The following UBXN11 variants were observed in gnomAD, a reference collection of about 807,000 sequenced individuals.
The protein encoded by UBXN11 is UBX domain-containing protein 11.
Under a neutral mutation model 62.8 loss-of-function variants are expected in UBXN11, and 47 were observed. That is an observed-to-expected ratio of 0.75 (90% CI 0.59 to 0.95). The LOEUF is 0.95. Among genes scored for constraint, UBXN11 ranks in the 40% least tolerant of loss-of-function variants. The pLI is 0.00. For missense variants in UBXN11, 638 were observed against 661.7 expected (o/e 0.96, Z 0.39); for synonymous variants, 294 against 267.0 (o/e 1.10, Z -0.99).
At chr1:26,292,534 T>G (rs571633833) in intron 8 of UBXN11, among the ~76,000 whole-genome samples, 6 of 149,438 alleles carry the variant, frequency 4.0e-5, no homozygotes, top group African/African-American at 1.5e-4. Context: ...AAAAGAAAAA[T>G]AAAGAAAAGA....
chr1:26,289,503 G>A (rs552219091), intron 8 of UBXN11, among the ~76,000 whole-genome samples: 3 of 152,162 alleles, frequency 2.0e-5, no homozygotes, highest in East Asian at 3.9e-4. Context: ...GAGCTCAGGA[G>A]CATTGAGCCC....
At position 26,294,336 on chromosome 1, in the gene UBXN11, G is replaced by A. The variant is rs1376101180; in HGVS notation, c.433-5C>T. On this transcript the variant is annotated splice_region_variant and splice_polypyrimidine_tract_variant and intron_variant, in intron 7 of 14. Coordinates refer to ENST00000374222, the MANE Select transcript of UBXN11 (RefSeq NM_001389556.1). ...GCCATAGTCACTGAGGAACCGCTGT[G>A]GGAAAGAAGGGGGAGATGCGGGGCA... 2.0e-6 allele frequency: 3 copies of A among 1,538,268 alleles called. No individual in the cohort carries two copies. Among genetic ancestry groups the A allele is most frequent in the Non-Finnish European group, 2.6e-6 (3 of 1,145,980 alleles).
chr1:26,317,880 A>G, intron 1 of UBXN11: 1 of 703,764 alleles, frequency 1.4e-6, no homozygotes, highest in Non-Finnish European at 2.5e-6. Flanking sequence ...CCACCTTGTA[A>G]GCCCTCCTTC....
chr1:26,282,463 G>T lies in UBXN11; in HGVS notation c.1399C>A (p.Leu467Met). ...GGGGCTCGGCGTGCCCGCAGCAGCA[G>T]TGCTGCTTTGGGCACAAGGCCTGCA... is the stretch of plus-strand genomic sequence containing the variant. ...QAAGLVPKAA[L>M]LLRARRAPKS... Residue 467 changes from leucine to methionine, a missense_variant, in exon 15 of 15, where the codon CTG becomes ATG. Coordinates refer to ENST00000374222, the MANE Select transcript of UBXN11 (RefSeq NM_001389556.1). The T allele has an allele frequency of 1.2e-6, 2 of 1,611,392 alleles. No homozygotes were observed. The highest frequency in any genetic ancestry group is 2.7e-5 in the African/African-American group (2 of 75,038).
intron 8 of UBXN11, 69 bp downstream of exon 8, chr1:26,294,136 C>G: frequency 6.3e-7 from 1 of 1,586,728 alleles, no homozygotes; most frequent in Non-Finnish European, 8.6e-7. Flanking sequence ...CTCTGGGGAG[C>G]TGCCGGCCAA....
chr1:26,318,250 T>A, exon 1 of UBXN11: 1 of 611,218 alleles, frequency 1.6e-6, no homozygotes. Context: ...CCAGCTCTTC[T>A]GGCTGGGGCT....
rs2073347796 is a variant in UBXN11, at chr1:26,294,448, CCAGA to C, written c.433-121_433-118del. The C allele has an allele frequency of 2.3e-5, 33 of 1,443,242 alleles. No individual in the cohort carries two copies. In the South Asian group the frequency reaches 3.7e-4, roughly 16 times the overall value. The allele number at this position is 1,443,242 out of a possible 1,614,324, so 89.4% of individuals were successfully genotyped here. On this transcript the variant is annotated intron_variant, in intron 7 of 14. Transcript: ENST00000374222. Reference sequence around the variant, plus strand: ...CAGGCAATGGGGCCCCCAGAGCTGACCAGACAAAGGGATGAGTAGGGGGATCTTG... The same window carrying C: ...CAGGCAATGGGGCCCCCAGAGCTGACCAAAGGGATGAGTAGGGGGATCTTG...
At chr1:26,294,970 A>G (rs185041970) in intron 7 of UBXN11, among the ~76,000 whole-genome samples, 1 of 151,808 alleles carries the variant, frequency 6.6e-6, no homozygotes, top group East Asian at 1.9e-4. Context: ...AATTTCCTTC[A>G]CCGTTTCCCC....
At chr1:26,306,012 A>G (rs530830835) in intron 1 of UBXN11, among the ~76,000 whole-genome samples, 1 of 152,310 alleles carries the variant, frequency 6.6e-6, no homozygotes, top group African/African-American at 2.4e-5. Context: ...CCCAGATTAC[A>G]AGGGCCCCTG....
Position 26,296,931 on chromosome 1 carries a change from G to A in UBXN11, c.420C>T (p.Val140=), listed in dbSNP as rs764529971. ...ETMCVQLQRQ[V]REMERFLSDY... ...CCAGCTCTCTCACCTCCATCTCCCT[G>A]ACCTGCCGCTGCAGCTGCACACACA... Residue 140 remains valine (V), a synonymous_variant, in exon 7 of 15, where the codon GTC becomes GTT. Coordinates refer to ENST00000374222, the MANE Select transcript of UBXN11 (RefSeq NM_001389556.1). The A allele has an allele frequency of 6.2e-7, 1 of 1,604,512 alleles. No homozygotes were observed. Among genetic ancestry groups the A allele is most frequent in the Non-Finnish European group, 8.5e-7 (1 of 1,175,400 alleles).
chr1:26,306,834 G>GGGGGGGGGT (rs2073681653), upstream of UBXN11: 1 of 40,110 alleles, frequency 2.5e-5, no homozygotes, highest in Non-Finnish European at 8.6e-5. Context: ...CGGGGTGGGG[G>GGGGGGGGGT]GGGGGGGTGG....
chr1:26,308,749 G>A (rs182299829), upstream of UBXN11, among the ~76,000 whole-genome samples: 134 of 152,216 alleles, frequency 8.8e-4, 3 homozygotes, highest in Admixed American at 8.6e-3. Context: ...GCTGTGGTCT[G>A]CCCTCTGATT....
chr1:26,302,879 C>T lies in UBXN11; in HGVS notation c.5G>A (p.Ser2Asn). 6.2e-7 allele frequency: 1 copy of T among 1,613,728 alleles called. No homozygotes were observed. Among genetic ancestry groups the T allele is most frequent in the Non-Finnish European group, 8.5e-7 (1 of 1,179,820 alleles). Residue 2 changes from serine to asparagine, a missense_variant, in exon 2 of 15, where the codon AGC becomes AAC. Coordinates refer to ENST00000374222, the MANE Select transcript of UBXN11 (RefSeq NM_001389556.1). M[S>N]SPLASLSKTR... Reference sequence around the variant, plus strand: ...CTTGCTAAGGGAGGCCAAAGGTGAGCTCATAGTTCTACTTCTAGAATCCAG... The same window carrying T: ...CTTGCTAAGGGAGGCCAAAGGTGAGTTCATAGTTCTACTTCTAGAATCCAG...
Position 26,282,861 on chromosome 1 carries a change from C to T in UBXN11, c.1151+3G>A. ...GGCCCTCACCTCCTCATCCCGCCCT[C>T]ACCTCTCTCGCTCAGCGGCCAAGGT... On this transcript the variant is annotated splice_donor_region_variant and intron_variant, in intron 13 of 14. Transcript: ENST00000374222. The T allele has an allele frequency of 6.2e-7, 1 of 1,614,174 alleles. No individual in the cohort carries two copies. Among genetic ancestry groups the T allele is most frequent in the Non-Finnish European group, 8.5e-7 (1 of 1,180,028 alleles).
At chr1:26,295,854 C>G (rs1298806384) in intron 7 of UBXN11, among the ~76,000 whole-genome samples, 1 of 152,254 alleles carries the variant, frequency 6.6e-6, no homozygotes. Context: ...CTGCCCCAAG[C>G]AGATCCTCCA....
At chr1:26,285,645 C>A in intron 9 of UBXN11, 104 bp from the exon 10 acceptor site, 1 of 1,377,158 alleles carries the variant, frequency 7.3e-7, no homozygotes, top group Non-Finnish European at 9.8e-7. Context: ...CACCCAGTGC[C>A]GCACTCTGGA....
chr1:26,295,134 C>T (rs2073362751), intron 7 of UBXN11, among the ~76,000 whole-genome samples: 1 of 152,192 alleles, frequency 6.6e-6, no homozygotes, highest in Non-Finnish European at 1.5e-5. Flanking sequence ...ATGGCTGTGG[C>T]TCTTGTCCCC....
At chr1:26,308,124 G>T (rs2073700705), upstream of UBXN11, among the ~76,000 whole-genome samples, 1 of 151,986 alleles carries the variant, frequency 6.6e-6, no homozygotes, top group South Asian at 2.1e-4. Context: ...AAATCAGCCG[G>T]GCATGATGGC....
At chr1:26,307,417 C>G (rs1374138515), upstream of UBXN11, among the ~76,000 whole-genome samples, 1 of 152,040 alleles carries the variant, frequency 6.6e-6, no homozygotes, top group African/African-American at 2.4e-5. Flanking sequence ...GCAAAGTACA[C>G]GATTTTAAAG....
Sources: allele counts gnomAD v4.1 joint callset (sites outside exome capture counted in the v4.1 genomes callset), GRCh38; gene constraint gnomAD v4.1.1; transcripts MANE v1.5; gene names NCBI Gene and HGNC (gene_info 2026-07-23, HGNC 2026-07-21).